NSF: variants seen among roughly 807,000 people sequenced by gnomAD.
NSF encodes the protein N-ethylmaleimide sensitive factor, vesicle fusing ATPase.
A neutral mutation model predicts 50.3 loss-of-function variants in NSF; 14 were observed. That is an observed-to-expected ratio of 0.28 (90% confidence interval 0.18 to 0.44). The LOEUF is 0.44. NSF is among the 20% of genes least tolerant of loss of function. The probability of loss-of-function intolerance (pLI) is 1.00; values close to 1 mark genes in which losing one functional copy is unlikely to be tolerated. For missense variants in NSF, 218 were observed against 504.3 expected (o/e 0.43, Z 5.44); for synonymous variants, 109 against 175.7 (o/e 0.62, Z 3.00).
intron 16 of NSF, among the ~76,000 whole-genome samples, chr17:46,727,426 A>G (rs2058900810): frequency 6.6e-6 from 1 of 152,196 alleles, no homozygotes; most frequent in East Asian, 1.9e-4. Flanking sequence ...ACTTAATAAC[A>G]TCTGAAAATA....
intron 12 of NSF, among the ~76,000 whole-genome samples, chr17:46,703,675 C>T (rs1302826299): frequency 2.6e-5 from 3 of 114,374 alleles, no homozygotes; most frequent in African/African-American, 7.4e-5. Context: ...AGTGAGACTC[C>T]GTCTCAAAAA....
chr17:46,714,153 A>G (rs1419268807), intron 15 of NSF, among the ~76,000 whole-genome samples, 167 bp downstream of exon 15: 19 of 152,094 alleles, frequency 1.2e-4, no homozygotes, highest in Admixed American at 1.2e-3. Context: ...ACTGTTTTAG[A>G]TTTTCTAACT....
chr17:46,747,383 C>T (rs558815825), intron 17 of NSF, among the ~76,000 whole-genome samples: 73 of 152,224 alleles, frequency 4.8e-4, no homozygotes, highest in African/African-American at 1.7e-3. Context: ...TTGGCTCAAG[C>T]GATCTGCTCA....
chr17:46,743,767 G>T (rs1211775834), intron 17 of NSF, among the ~76,000 whole-genome samples: 2 of 152,220 alleles, frequency 1.3e-5, no homozygotes, highest in African/African-American at 4.8e-5. Context: ...GCCTGTGGCT[G>T]CCAGAACCCT....
At chr17:46,709,511 A>G (rs1428466295) in intron 13 of NSF, among the ~76,000 whole-genome samples, 6 of 150,902 alleles carry the variant, frequency 4.0e-5, no homozygotes, top group Non-Finnish European at 8.9e-5. Flanking sequence ...TTTTTTTTAA[A>G]TGAGATGGAG....
rs761257406 is a variant in NSF, at chr17:46,711,039, G to A, written c.1547G>A (p.Arg516Gln). Residue 516 changes from arginine to glutamine, a missense_variant, in exon 14 of 21, where the codon CGA (arginine) becomes CAA (glutamine). Coordinates refer to ENST00000398238, the MANE Select transcript of NSF (RefSeq NM_006178.4). ...ATCAAATGGGGTGACCCAGTTACTC[G>A]AGTTCTAGATGATGGGGAGCTGCTG... ...GIIKWGDPVT[R>Q]VLDDGELLVQ... 1.9e-6 allele frequency: 3 copies of A among 1,590,604 alleles called. No individual in the cohort carries two copies. The highest frequency in any genetic ancestry group is 2.3e-5 in the South Asian group (2 of 86,722).
At chr17:46,726,681 A>G in intron 16 of NSF, 66 bp downstream of exon 16, 1 of 1,357,124 alleles carries the variant, frequency 7.4e-7, no homozygotes, top group Admixed American at 1.7e-5. Context: ...AAAAGTTACA[A>G]GAGAAAATTA....
chr17:46,719,944 T>C lies in NSF; in HGVS notation c.1761+5958T>C, dbSNP rs1405555847. ...AGTCTTATTTTCAAAGGATTGAAAA[T>C]TAATGGAAGAAATTTTCCTTTCCAC... On this transcript the variant is annotated intron_variant, in intron 15 of 20. Transcript: ENST00000398238. This position sits in a 1 kb window ranked among gnomAD's most constrained non-coding sequence, Gnocchi z 4.3. 6.6e-6 allele frequency among the ~76,000 whole-genome samples: 1 copy of C among 152,202 alleles called. No individual in the cohort carries two copies. The highest frequency in any genetic ancestry group is 2.4e-5 in the African/African-American group (1 of 41,436).
chr17:46,703,414 T>G (rs1315938920), intron 12 of NSF, among the ~76,000 whole-genome samples: 1 of 118,278 alleles, frequency 8.5e-6, no homozygotes, highest in Non-Finnish European at 1.7e-5. Flanking sequence ...CCGGGCGTGG[T>G]GGCTCACGCC....
chr17:46,748,718 G>A (rs1300628115), intron 17 of NSF, among the ~76,000 whole-genome samples: 1 of 152,156 alleles, frequency 6.6e-6, no homozygotes, highest in African/African-American at 2.4e-5. Flanking sequence ...ATTTCTTCAA[G>A]AACACAACTT....
intron 4 of NSF, among the ~76,000 whole-genome samples, chr17:46,631,061 TACACACAC>T (rs61399986): frequency 6.5e-5 from 8 of 122,774 alleles, no homozygotes; most frequent in African/African-American, 1.6e-4. Flanking sequence ...TCTCTCTCTG[TACACACAC>T]ACACACACAC....
rs1030583605 is a variant in NSF, at chr17:46,635,609, G to A, written c.239-1767G>A. 2.4e-4 allele frequency among the ~76,000 whole-genome samples: 22 copies of A among 89,856 alleles called. 1 individual carries two copies. Among genetic ancestry groups the A allele is most frequent in the South Asian group, 2.2e-3 (6 of 2,766 alleles). 58.9% of individuals were successfully genotyped at this position (89,856 alleles called of 152,430 possible). A position where few individuals can be genotyped will look rare whatever the true frequency, so the allele number is the denominator to read the frequency against. On this transcript the variant is annotated intron_variant, in intron 4 of 20. Transcript: ENST00000398238. ...CAACTCCTGTCTACAAGCTCTGAGC[G>A]TTAGGCAAACCATAGGCTGATGGGT...
At chr17:46,720,965 G>T (rs1159505850) in intron 15 of NSF, among the ~76,000 whole-genome samples, 1 of 152,168 alleles carries the variant, frequency 6.6e-6, no homozygotes, top group Non-Finnish European at 1.5e-5. Context: ...AGACTCTGGA[G>T]CCCGTAGCTG....
chr17:46,738,595 G>T (rs1351029109), intron 17 of NSF, among the ~76,000 whole-genome samples: 1 of 152,228 alleles, frequency 6.6e-6, no homozygotes, highest in Non-Finnish European at 1.5e-5. Context: ...CCGTCCTGGT[G>T]CCTGTTAGGT....
chr17:46,722,161 T>A, intron 15 of NSF: 1 of 1,611,714 alleles, frequency 6.2e-7, no homozygotes, highest in East Asian at 2.2e-5. Context: ...GCGCTCGAAC[T>A]GAACATGGCT....
Position 46,755,206 on chromosome 17 carries a change from A to G in NSF, c.2158-108A>G, listed in dbSNP as rs563788535. On this transcript the variant is annotated intron_variant, in intron 19 of 20. Transcript: ENST00000398238. ...GAGCAGGTAACACATTCAGTGACCT[A>G]GCAGAGCATTGATGAAGTGTGAAAC... 3.2e-5 allele frequency: 25 copies of G among 775,188 alleles called. No homozygotes were observed. The East Asian group carries it at 6.4e-4, about 20-fold the overall frequency. The allele number at this position is 775,188 out of a possible 1,614,324, so 48.0% of individuals were successfully genotyped here.
At chr17:46,718,520 T>C (rs1378340437) in intron 15 of NSF, among the ~76,000 whole-genome samples, 3 of 152,190 alleles carry the variant, frequency 2.0e-5, no homozygotes, top group Admixed American at 2.0e-4. Context: ...TATGTAGCCA[T>C]AACTAAAAAT....
intron 15 of NSF, among the ~76,000 whole-genome samples, chr17:46,717,678 C>T (rs1220757380): frequency 6.6e-6 from 1 of 152,152 alleles, no homozygotes; most frequent in African/African-American, 2.4e-5. Flanking sequence ...CACCACTGCA[C>T]TCCAGCCTGG....
At position 46,740,747 on chromosome 17, in the gene NSF, C is replaced by T. The variant is rs149283012; in HGVS notation, c.1909-9026C>T. On this transcript the variant is annotated intron_variant, in intron 17 of 20. Transcript: ENST00000398238. ...CACGATTTCGGCTCACTGCAACCTC[C>T]GCCTCCTGGGTTCAAGTGATTCTCC... is the stretch of plus-strand genomic sequence containing the variant. Among the ~76,000 whole-genome samples the T allele has an allele frequency of 5.8e-3, 874 of 151,526 alleles. 2 individuals carry two copies. The highest frequency in any genetic ancestry group is 0.034 in the Middle Eastern group (10 of 294).
Sources: allele counts gnomAD v4.1 joint callset (sites outside exome capture counted in the v4.1 genomes callset), GRCh38; gene constraint gnomAD v4.1.1; non-coding constraint Gnocchi (gnomAD v3.1); transcripts MANE v1.5; gene names NCBI Gene and HGNC (gene_info 2026-07-23, HGNC 2026-07-21).